Variants in RGS8 observed in about 807,000 individuals in gnomAD.
RGS8 encodes regulator of G protein signaling 8, also known as regulator of G-protein signaling 8.
A neutral mutation model predicts 21.7 loss-of-function variants in RGS8; 8 were observed. The observed-to-expected ratio is 0.37, with a 90% CI of 0.22 to 0.66. The LOEUF is 0.66. Among genes scored for constraint, RGS8 ranks in the 30% least tolerant of loss-of-function variants. The probability of loss-of-function intolerance (pLI) is 0.59; values close to 1 mark genes in which losing one functional copy is unlikely to be tolerated. For synonymous variants in RGS8, 80 were observed against 83.6 expected (o/e 0.96, Z 0.24); for missense variants, 157 against 217.9 (o/e 0.72, Z 1.76).
the RGS8 span, among the ~76,000 whole-genome samples, chr1:182,741,665 G>C: frequency 8.4e-6 from 1 of 119,146 alleles, no homozygotes; most frequent in Admixed American, 7.7e-5. Flanking sequence ...GCGGCTGGCC[G>C]GGCAGAGGGG....
chr1:182,676,868 C>T (rs1310358392), upstream of RGS8, among the ~76,000 whole-genome samples: 1 of 152,210 alleles, frequency 6.6e-6, no homozygotes, highest in African/African-American at 2.4e-5. Flanking sequence ...GACATTTCAA[C>T]TTCAATTTCC....
At chr1:182,720,126 A>T in the RGS8 span, among the ~76,000 whole-genome samples, 13 of 152,252 alleles carry the variant, frequency 8.5e-5, no homozygotes, top group African/African-American at 3.1e-4. Context: ...TTTCCAAAAG[A>T]TAAAATTGAC....
intron 5 of RGS8, 39 bp from the exon 7 acceptor site, chr1:182,648,342 G>A: frequency 6.2e-7 from 1 of 1,600,496 alleles, no homozygotes; most frequent in Non-Finnish European, 8.5e-7. Context: ...GAGATAGGAA[G>A]CAGCTTAAGT....
At chr1:182,719,497 C>T in the RGS8 span, among the ~76,000 whole-genome samples, 1 of 144,760 alleles carries the variant, frequency 6.9e-6, no homozygotes, top group Non-Finnish European at 1.5e-5. Context: ...CTCTCTCTGT[C>T]ACCCAGTGGC....
intron 5 of RGS8, chr1:182,658,805 C>G (rs1375049861): frequency 2.0e-5 from 3 of 152,236 alleles, no homozygotes; most frequent in African/African-American, 7.2e-5. Flanking sequence ...TATGATCATG[C>G]TACTGCACTC....
the RGS8 span, among the ~76,000 whole-genome samples, chr1:182,712,207 C>G: frequency 7.9e-5 from 12 of 152,296 alleles, no homozygotes; most frequent in African/African-American, 2.9e-4. Context: ...TCATCATGTG[C>G]CAATCCTGCC....
the RGS8 span, chr1:182,734,720 G>A: frequency 6.6e-6 from 1 of 152,314 alleles, no homozygotes; most frequent in South Asian, 2.1e-4. Context: ...TAGGAACCAA[G>A]GAGTTATAAT....
chr1:182,664,120 G>A (rs1311650592), intron 5 of RGS8, among the ~76,000 whole-genome samples: 2 of 152,094 alleles, frequency 1.3e-5, no homozygotes, highest in African/African-American at 4.8e-5. Context: ...TACATTTCTA[G>A]GTCTTGCTAC....
intron 2 of RGS8, 81 bp downstream of exon 3, chr1:182,671,576 C>CA (rs1360799681): frequency 3.0e-5 from 37 of 1,231,558 alleles, no homozygotes; most frequent in Non-Finnish European, 4.3e-5. Context: ...CATGAAGAGG[C>CA]AAGTTAATTA....
the RGS8 span, among the ~76,000 whole-genome samples, chr1:182,738,918 G>T: frequency 1.3e-5 from 2 of 152,156 alleles, no homozygotes; most frequent in African/African-American, 4.8e-5. Context: ...GAAGGTCGAT[G>T]GTAAGGACAT....
chr1:182,694,301 C>A, the RGS8 span, among the ~76,000 whole-genome samples: 1 of 152,136 alleles, frequency 6.6e-6, no homozygotes, highest in Non-Finnish European at 1.5e-5. Context: ...TCTCTGCTAG[C>A]TATTTTGCCC....
At chr1:182,713,774 C>T in the RGS8 span, among the ~76,000 whole-genome samples, 4 of 152,162 alleles carry the variant, frequency 2.6e-5, no homozygotes, top group African/African-American at 7.2e-5. Context: ...TCCCATGGTA[C>T]GCATACACGC....
chr1:182,660,491 C>T (rs983271981), intron 5 of RGS8, among the ~76,000 whole-genome samples: 2 of 151,948 alleles, frequency 1.3e-5, no homozygotes, highest in African/African-American at 2.4e-5. Context: ...CCACCCATTT[C>T]TACTTTGCAC....
At chr1:182,674,693 G>A (rs1664300145), upstream of RGS8, among the ~76,000 whole-genome samples, 1 of 152,172 alleles carries the variant, frequency 6.6e-6, no homozygotes, top group South Asian at 2.1e-4. Context: ...GGCAAGCAGA[G>A]TTAAGTGCTC....
chr1:182,694,545 G>T, the RGS8 span, among the ~76,000 whole-genome samples: 1 of 152,188 alleles, frequency 6.6e-6, no homozygotes, highest in Non-Finnish European at 1.5e-5. Context: ...AGTGGCTTAC[G>T]CCCGTAATCC....
At position 182,654,359 on chromosome 1, in the gene RGS8, A is replaced by G. The variant is rs185240828; in HGVS notation, c.194-6056T>C. Among the ~76,000 whole-genome samples, 24 of 152,354 alleles carry G rather than the reference A, an allele frequency of 1.6e-4. 1 individual carries two copies. The highest frequency in any genetic ancestry group is 1.4e-3 in the Admixed American group (22 of 15,302). On this transcript the variant is annotated intron_variant, in intron 5 of 6. Transcript: ENST00000483095. ...AAAGAACTTCTTTTCCTTAAGGACA[A>G]AGGCAAAGAAAAAAGGAAAGAGGTA...
At chr1:182,751,454 G>T in the RGS8 span, among the ~76,000 whole-genome samples, 1 of 152,182 alleles carries the variant, frequency 6.6e-6, no homozygotes, top group African/African-American at 2.4e-5. Flanking sequence ...CACAGTCCCT[G>T]CACGCGTGCC....
At chr1:182,686,906 G>C (rs897523832), upstream of RGS8, among the ~76,000 whole-genome samples, 1 of 152,192 alleles carries the variant, frequency 6.6e-6, no homozygotes, top group African/African-American at 2.4e-5. Flanking sequence ...AATCATCTGA[G>C]AGAAAGAGAG....
chr1:182,725,423 C>T, the RGS8 span, among the ~76,000 whole-genome samples: 2 of 152,216 alleles, frequency 1.3e-5, no homozygotes, highest in Admixed American at 1.3e-4. Flanking sequence ...TCTGCATACA[C>T]TTCTTAGACC....
Sources: gnomAD v4.1 joint callset for allele counts (sites outside exome capture counted in the v4.1 genomes callset) on GRCh38, gnomAD v4.1.1 for gene constraint, MANE v1.5 for transcripts, NCBI Gene and HGNC (gene_info 2026-07-23, HGNC 2026-07-21) for gene names.